Variants in SAMD5 observed in about 807,000 individuals in gnomAD.
SAMD5 encodes the protein sterile alpha motif domain-containing protein 5.
In SAMD5, 13 loss-of-function variants were observed where a neutral mutation model predicts 11.3. That is an observed-to-expected ratio of 1.15 (90% confidence interval 0.75 to 1.83). The LOEUF (loss-of-function observed/expected upper bound fraction) is 1.83. Ranked by LOEUF, SAMD5 falls within the 40% of genes most tolerant of loss-of-function variation. SAMD5 has a pLI of 0.00. For missense variants in SAMD5, 255 were observed against 239.1 expected (o/e 1.07, Z -0.44); for synonymous variants, 129 against 111.3 (o/e 1.16, Z -1.00).
intron 1 of SAMD5, among the ~76,000 whole-genome samples, chr6:147,594,642 G>T (rs1789503518): frequency 6.6e-6 from 1 of 151,830 alleles, no homozygotes; most frequent in Admixed American, 6.5e-5. Flanking sequence ...CAGACAGGAG[G>T]ATGGAGCAGG....
the SAMD5 span, among the ~76,000 whole-genome samples, chr6:147,820,756 A>G: frequency 6.6e-6 from 1 of 152,190 alleles, no homozygotes; most frequent in African/African-American, 2.4e-5. Flanking sequence ...CGGGAGTTCT[A>G]TCACTTTGCC....
the SAMD5 span, among the ~76,000 whole-genome samples, chr6:147,943,994 C>A: frequency 6.6e-6 from 1 of 152,172 alleles, no homozygotes; most frequent in African/African-American, 2.4e-5. Context: ...TTGGGATCAT[C>A]ACCCAAGCCC....
At chr6:147,794,180 A>G in the SAMD5 span, among the ~76,000 whole-genome samples, 40 of 152,306 alleles carry the variant, frequency 2.6e-4, no homozygotes, top group East Asian at 7.2e-3. Context: ...TAAGATATTC[A>G]AATCCGATTA....
At chr6:147,948,152 C>T in the SAMD5 span, among the ~76,000 whole-genome samples, 3 of 151,906 alleles carry the variant, frequency 2.0e-5, no homozygotes, top group African/African-American at 4.8e-5. Context: ...CATTATTTTA[C>T]TGATTCCTTC....
At chr6:147,948,467 A>G in the SAMD5 span, among the ~76,000 whole-genome samples, 1 of 152,136 alleles carries the variant, frequency 6.6e-6, no homozygotes, top group African/African-American at 2.4e-5. Context: ...TGTAATATCT[A>G]TAGACCTTTG....
the SAMD5 span, among the ~76,000 whole-genome samples, chr6:147,845,094 G>A: frequency 1.3e-5 from 2 of 151,994 alleles, no homozygotes; most frequent in East Asian, 3.9e-4. Flanking sequence ...ACATCACATT[G>A]TACCCCGTAA....
chr6:147,727,691 C>T (rs1791648450), intron 1 of SAMD5, among the ~76,000 whole-genome samples: 1 of 151,028 alleles, frequency 6.6e-6, no homozygotes, highest in Non-Finnish European at 1.5e-5. Context: ...CCAGATTGGT[C>T]TGCTGAAGAC....
At chr6:147,779,294 A>G in the SAMD5 span, among the ~76,000 whole-genome samples, 1 of 152,130 alleles carries the variant, frequency 6.6e-6, no homozygotes, top group Non-Finnish European at 1.5e-5. Flanking sequence ...TGTCCTGAGT[A>G]AGAGAGGGTG....
chr6:147,893,512 C>T, the SAMD5 span, among the ~76,000 whole-genome samples: 58 of 152,048 alleles, frequency 3.8e-4, 1 homozygote, highest in Non-Finnish European at 4.9e-4. Flanking sequence ...GTAAATGGCC[C>T]GCTAGGAGGA....
chr6:147,538,277 A>C (rs1191480661), intron 1 of SAMD5, among the ~76,000 whole-genome samples: 2 of 152,210 alleles, frequency 1.3e-5, no homozygotes, highest in Non-Finnish European at 2.9e-5. Context: ...AACGCATTAC[A>C]AACCCTTTCA....
At chr6:147,619,211 TATG>T (rs1789921005) in intron 1 of SAMD5, among the ~76,000 whole-genome samples, 2 of 152,228 alleles carry the variant, frequency 1.3e-5, no homozygotes, top group Admixed American at 6.5e-5. Flanking sequence ...TTTTTTTAAG[TATG>T]AAGCAAGACA....
At chr6:147,766,232 G>A in the SAMD5 span, among the ~76,000 whole-genome samples, 1 of 152,042 alleles carries the variant, frequency 6.6e-6, no homozygotes. Flanking sequence ...ATTGTCTCCA[G>A]TTTAAGGAAT....
chr6:147,928,116 C>T, the SAMD5 span, among the ~76,000 whole-genome samples: 5 of 152,050 alleles, frequency 3.3e-5, no homozygotes, highest in African/African-American at 1.2e-4. Context: ...AGGATATTGG[C>T]CTGATGTGTT....
the SAMD5 span, among the ~76,000 whole-genome samples, chr6:147,837,593 A>G: frequency 2.3e-4 from 35 of 152,210 alleles, no homozygotes; most frequent in African/African-American, 8.2e-4. Flanking sequence ...TGCTTCCACA[A>G]TGGCGGCTGG....
At chr6:147,761,893 T>G in the SAMD5 span, among the ~76,000 whole-genome samples, 1 of 151,968 alleles carries the variant, frequency 6.6e-6, no homozygotes, top group Admixed American at 6.6e-5. Flanking sequence ...TTGTATTTTT[T>G]GTAGAGATGG....
the SAMD5 span, among the ~76,000 whole-genome samples, chr6:147,852,946 G>T: frequency 6.6e-6 from 1 of 152,080 alleles, no homozygotes; most frequent in African/African-American, 2.4e-5. Flanking sequence ...TTTTTCATAG[G>T]CCCTTAAAAC....
At chr6:147,584,039 A>AAT (rs1432694350) in intron 1 of SAMD5, among the ~76,000 whole-genome samples, 1 of 152,008 alleles carries the variant, frequency 6.6e-6, no homozygotes, top group Non-Finnish European at 1.5e-5. Flanking sequence ...TTTAGAAAAA[A>AAT]ATATATATAT....
At chr6:147,912,457 A>G in the SAMD5 span, among the ~76,000 whole-genome samples, 1 of 150,328 alleles carries the variant, frequency 6.7e-6, no homozygotes, top group South Asian at 2.1e-4. Flanking sequence ...CCAGTGAACA[A>G]GCTGCTTAAC....
the SAMD5 span, among the ~76,000 whole-genome samples, chr6:147,782,530 T>G: frequency 6.6e-5 from 10 of 152,240 alleles, no homozygotes; most frequent in Non-Finnish European, 1.2e-4. Context: ...TATATGGAGA[T>G]GTTTATCCTG....
Sources: gnomAD v4.1 joint callset for allele counts (sites outside exome capture counted in the v4.1 genomes callset) on GRCh38, gnomAD v4.1.1 for gene constraint, MANE v1.5 for transcripts, NCBI Gene and HGNC (gene_info 2026-07-23, HGNC 2026-07-21) for gene names.